TNFAIP8: variants seen among roughly 807,000 people sequenced by gnomAD.
The protein encoded by TNFAIP8 is tumor necrosis factor alpha-induced protein 8.
A neutral mutation model predicts 13.3 loss-of-function variants in TNFAIP8; 7 were observed. The ratio of observed to expected loss-of-function variants is 0.52; its 90% CI spans 0.30 to 0.99. The LOEUF is 0.99. Among genes scored for constraint, TNFAIP8 ranks in the 50% least tolerant of loss-of-function variants. TNFAIP8 has a pLI of 0.07. For synonymous variants in TNFAIP8, 94 were observed against 87.6 expected (o/e 1.07, Z -0.41); for missense variants, 258 against 236.9 (o/e 1.09, Z -0.58).
chr5:119,393,190 A>G lies in TNFAIP8; in HGVS notation c.406A>G (p.Arg136Gly), dbSNP rs1752965469. 1 of 1,614,074 alleles carries G rather than the reference A, an allele frequency of 6.2e-7. No homozygotes were observed. Among genetic ancestry groups the G allele is most frequent in the East Asian group, 2.2e-5 (1 of 44,890 alleles). ...GTTATCCAGGCTGTTAAATGAATGC[A>G]GAGAGATGCTGCACCAAATCATTCA... Reference protein sequence around the residue: ...NVLSRLLNECREMLHQIIQRH... With the variant: ...NVLSRLLNECGEMLHQIIQRH... The change falls in exon 2 of 2, where the codon AGA (arginine) becomes GGA (glycine). Residue 136 changes from arginine (R) to glycine (G), a missense_variant. Coordinates refer to ENST00000504771, the MANE Select transcript of TNFAIP8 (RefSeq NM_014350.4).
chr5:119,392,752 A>C, intron 1 of TNFAIP8, 64 bp from the exon 2 acceptor site: 1 of 1,453,414 alleles, frequency 6.9e-7, no homozygotes, highest in Non-Finnish European at 9.1e-7. Context: ...ACCTGTTTTT[A>C]GTTCGCTTCA....
At chr5:119,319,398 G>A (rs746098519) in intron 1 of TNFAIP8, among the ~76,000 whole-genome samples, 1 of 152,242 alleles carries the variant, frequency 6.6e-6, no homozygotes. Context: ...ATACTGTAGA[G>A]ACCCTTTCCT....
chr5:119,391,275 A>C, intron 1 of TNFAIP8: 1 of 654,556 alleles, frequency 1.5e-6, no homozygotes, highest in Non-Finnish European at 2.8e-6. Context: ...ATAATCTTAT[A>C]TAATCATTGA....
intron 1 of TNFAIP8, among the ~76,000 whole-genome samples, chr5:119,347,331 A>G (rs772314107): frequency 9.2e-5 from 14 of 152,192 alleles, no homozygotes; most frequent in Non-Finnish European, 1.3e-4. Context: ...TCTATCTGAT[A>G]TGGGCTGATT....
chr5:119,291,255 C>A lies in TNFAIP8; in HGVS notation c.1+22348C>A, dbSNP rs560187971. On this transcript the variant is annotated intron_variant, in intron 1 of 1. Coordinates refer to the TNFAIP8 transcript ENST00000274456. ...GCCATGTCTTTATCTGTTTCTATTTCCCCTGCTGTATCTAGCACACTGGGT... is the reference window on the plus strand; with the variant it reads ...GCCATGTCTTTATCTGTTTCTATTTACCCTGCTGTATCTAGCACACTGGGT... Among the ~76,000 whole-genome samples the A allele has an allele frequency of 3.3e-5, 5 of 152,304 alleles. No individual in the cohort carries two copies. In the East Asian group the frequency reaches 9.6e-4, roughly 29 times the overall value.
At chr5:119,314,126 G>A (rs1749811798) in intron 1 of TNFAIP8, among the ~76,000 whole-genome samples, 6 of 152,092 alleles carry the variant, frequency 3.9e-5, no homozygotes, top group Admixed American at 3.9e-4. Flanking sequence ...TTGAGCCCAG[G>A]AATTCGCATC....
chr5:119,392,237 G>A (rs776787247), intron 1 of TNFAIP8, among the ~76,000 whole-genome samples: 13 of 152,168 alleles, frequency 8.5e-5, no homozygotes, highest in Non-Finnish European at 1.2e-4. Context: ...TTTTGCAACC[G>A]GATTATAAAA....
intron 1 of TNFAIP8, among the ~76,000 whole-genome samples, chr5:119,276,025 G>T (rs1748431522): frequency 6.6e-6 from 1 of 152,314 alleles, no homozygotes; most frequent in Admixed American, 6.5e-5. Context: ...TGCGGAGACA[G>T]GTGGCAGGGG....
intron 1 of TNFAIP8, among the ~76,000 whole-genome samples, chr5:119,289,634 G>A (rs755807422): frequency 6.6e-6 from 1 of 152,206 alleles, no homozygotes; most frequent in Non-Finnish European, 1.5e-5. Context: ...ACCAAATCCT[G>A]TACATGGCTG....
intron 1 of TNFAIP8, among the ~76,000 whole-genome samples, chr5:119,374,928 G>GGGGT (rs1374793957): frequency 6.6e-6 from 1 of 152,046 alleles, no homozygotes; most frequent in Non-Finnish European, 1.5e-5. Context: ...GCCAATTTTG[G>GGGGT]GGGTGATGGA....
At chr5:119,308,891 C>A (rs1749648281) in intron 1 of TNFAIP8, among the ~76,000 whole-genome samples, 1 of 151,260 alleles carries the variant, frequency 6.6e-6, no homozygotes, top group Non-Finnish European at 1.5e-5. Context: ...TCTGATATTG[C>A]ACTGGAAGAG....
At chr5:119,332,386 G>T (rs1002012624) in intron 1 of TNFAIP8, among the ~76,000 whole-genome samples, 1 of 152,066 alleles carries the variant, frequency 6.6e-6, no homozygotes, top group Non-Finnish European at 1.5e-5. Context: ...TAACTTGCAC[G>T]TATACACAAC....
intron 1 of TNFAIP8, among the ~76,000 whole-genome samples, chr5:119,341,317 A>G (rs1750730085): frequency 6.6e-6 from 1 of 152,186 alleles, no homozygotes; most frequent in African/African-American, 2.4e-5. Context: ...TGAATGTGTA[A>G]ATAGTGCTCT....
chr5:119,270,519 C>T (rs890518405), intron 1 of TNFAIP8, among the ~76,000 whole-genome samples: 11 of 152,210 alleles, frequency 7.2e-5, no homozygotes, highest in Admixed American at 1.3e-4. Context: ...GCCTCAGCCT[C>T]CTGAGTAACT....
chr5:119,278,376 AGTGTGTGTGTGTGTGT>A (rs71591297), intron 1 of TNFAIP8, among the ~76,000 whole-genome samples: 36 of 108,236 alleles, frequency 3.3e-4, no homozygotes, highest in East Asian at 2.9e-3. Context: ...AGAGAGAGAG[AGTGTGTGTGTGTGTGT>A]GTGTGTGTGT....
chr5:119,282,494 C>T (rs570629535), intron 1 of TNFAIP8, among the ~76,000 whole-genome samples: 1 of 152,158 alleles, frequency 6.6e-6, no homozygotes, highest in African/African-American at 2.4e-5. Context: ...TCTGGGTTGT[C>T]CCATGGATTC....
rs1753118933 is a variant in TNFAIP8, at chr5:119,398,223, T to C, written c.*4842T>C. On this transcript the variant is annotated 3_prime_UTR_variant, in exon 2 of 2. Transcript: ENST00000504771. Reference sequence around the variant, plus strand: ...GACATCAGCTGCATAACTGTATTTCTGCCTCGTGGAAATAAAGTAGATGAT... The same window carrying C: ...GACATCAGCTGCATAACTGTATTTCCGCCTCGTGGAAATAAAGTAGATGAT... The C allele has an allele frequency of 6.6e-6, 1 of 152,238 alleles. No homozygotes were observed. The highest frequency in any genetic ancestry group is 2.1e-4 in the South Asian group (1 of 4,836). The allele number at this position is 152,238 out of a possible 1,614,324, so 9.4% of individuals were successfully genotyped here.
intron 1 of TNFAIP8, 75 bp downstream of exon 1, chr5:119,356,196 A>C: frequency 7.4e-7 from 1 of 1,353,148 alleles, no homozygotes. Flanking sequence ...GTAGAAGAGG[A>C]TGGGAGTTTT....
intron 1 of TNFAIP8, among the ~76,000 whole-genome samples, chr5:119,309,782 G>A (rs533014558): frequency 8.7e-4 from 133 of 152,322 alleles, no homozygotes; most frequent in African/African-American, 3.0e-3. Context: ...TGGGCCTCAG[G>A]TTGGAAAATT....
Sources: allele counts gnomAD v4.1 joint callset (sites outside exome capture counted in the v4.1 genomes callset), GRCh38; gene constraint gnomAD v4.1.1; transcripts MANE v1.5; gene names NCBI Gene and HGNC (gene_info 2026-07-23, HGNC 2026-07-21).